Variants in ABHD2 observed in about 807,000 individuals in gnomAD.
The protein encoded by ABHD2 is monoacylglycerol lipase ABHD2.
Under a neutral mutation model 48.1 loss-of-function variants are expected in ABHD2, and 20 were observed. The observed-to-expected ratio is 0.42, with a 90% CI of 0.29 to 0.60. The LOEUF is 0.60. ABHD2 is among the 20% of genes least tolerant of loss of function. The pLI is 0.24. For missense variants in ABHD2, 405 were observed against 550.9 expected, an observed-to-expected ratio of 0.74 and a Z score of 2.65; for synonymous variants, 209 against 214.2, an observed-to-expected ratio of 0.98 and a Z score of 0.21.
At chr15:89,051,828 T>C in the ABHD2 span, among the ~76,000 whole-genome samples, 17 of 152,270 alleles carry the variant, frequency 1.1e-4, no homozygotes, top group African/African-American at 4.1e-4. Flanking sequence ...TTACCCAGTC[T>C]CAGGTGTGTC....
chr15:89,131,764 G>A (rs1469170327), intron 3 of ABHD2, among the ~76,000 whole-genome samples: 4 of 152,162 alleles, frequency 2.6e-5, no homozygotes, highest in Non-Finnish European at 4.4e-5. Flanking sequence ...TTAACCATAA[G>A]TGTTGCTGTA....
chr15:89,055,967 A>G, the ABHD2 span, among the ~76,000 whole-genome samples: 5 of 151,768 alleles, frequency 3.3e-5, no homozygotes, highest in Non-Finnish European at 7.4e-5. Context: ...GGGCTCACAC[A>G]ATCCTCCTGC....
At chr15:89,056,983 G>A in the ABHD2 span, among the ~76,000 whole-genome samples, 2 of 140,444 alleles carry the variant, frequency 1.4e-5, no homozygotes, top group Non-Finnish European at 1.5e-5. Flanking sequence ...GCGCCATCTC[G>A]GCTCACTGCA....
chr15:89,193,260 A>G lies in ABHD2; in HGVS notation c.1022A>G (p.Asn341Ser). The G allele has an allele frequency of 6.2e-7, 1 of 1,614,204 alleles. No individual in the cohort carries two copies. The highest frequency in any genetic ancestry group is 1.1e-5 in the South Asian group (1 of 91,086). The change falls in exon 10 of 11, where the codon AAT (asparagine) becomes AGT (serine). Residue 341 changes from asparagine to serine, a missense_variant. Coordinates refer to ENST00000352732, the MANE Select transcript of ABHD2 (RefSeq NM_152924.5). ...HRIYVPLMLV[N>S]AADDPLVHES... ...ATTTATGTTCCTCTCATGCTGGTTA[A>G]TGCAGCTGACGATCCGTTGGTGCAT...
At chr15:89,096,729 G>A (rs1424054422) in intron 1 of ABHD2, among the ~76,000 whole-genome samples, 1 of 152,230 alleles carries the variant, frequency 6.6e-6, no homozygotes, top group Non-Finnish European at 1.5e-5. Flanking sequence ...CTCCCAAAGA[G>A]AGTGACAAAA....
In ABHD2 at chr15:89,157,441, G is replaced by A. The variant is rs113676798; in HGVS notation, c.538+1907G>A. Among the ~76,000 whole-genome samples the A allele has an allele frequency of 5.0e-3, 754 of 152,262 alleles. 7 individuals are homozygous for A. Among genetic ancestry groups the A allele is most frequent in the African/African-American group, 0.017 (711 of 41,540 alleles). On this transcript the variant is annotated intron_variant, in intron 5 of 10. Transcript: ENST00000352732. Reference sequence around the variant, plus strand: ...GTATACCTGCTTTGTGCCAAGCAGGGTGTTGGGTGCCCTGAGTTCATTTCC... The same window carrying A: ...GTATACCTGCTTTGTGCCAAGCAGGATGTTGGGTGCCCTGAGTTCATTTCC...
At chr15:89,118,041 C>G (rs2049989140) in intron 3 of ABHD2, among the ~76,000 whole-genome samples, 1 of 152,144 alleles carries the variant, frequency 6.6e-6, no homozygotes, top group African/African-American at 2.4e-5. Flanking sequence ...ACAGTAGCCT[C>G]CACAGCCAGG....
the ABHD2 span, among the ~76,000 whole-genome samples, chr15:89,045,913 G>A: frequency 6.6e-6 from 1 of 152,140 alleles, no homozygotes; most frequent in Admixed American, 6.5e-5. Context: ...GATTGCCCTG[G>A]CCAGAACTTC....
chr15:89,161,558 A>G (rs1455350760), intron 5 of ABHD2, among the ~76,000 whole-genome samples: 2 of 151,942 alleles, frequency 1.3e-5, no homozygotes, highest in East Asian at 3.9e-4. Flanking sequence ...CCGCCACCAC[A>G]CCCAGCTAAT....
chr15:89,125,676 G>A (rs997314363), intron 3 of ABHD2, among the ~76,000 whole-genome samples: 4 of 152,172 alleles, frequency 2.6e-5, no homozygotes, highest in Non-Finnish European at 4.4e-5. Context: ...GGCAAACAGG[G>A]ATAAGTTGTT....
At chr15:89,078,885 C>G in the ABHD2 span, among the ~76,000 whole-genome samples, 1 of 152,120 alleles carries the variant, frequency 6.6e-6, no homozygotes, top group African/African-American at 2.4e-5. Context: ...TGCCTGCCAC[C>G]AAGCCTGGCT....
rs1333842004 is a variant in ABHD2 at position 89,186,586 on chromosome 15, A to G, written c.815+1070A>G. Among the ~76,000 whole-genome samples, 1 of 152,068 alleles carries G rather than the reference A, an allele frequency of 6.6e-6. No individual in the cohort carries two copies. Among genetic ancestry groups the G allele is most frequent in the African/African-American group, 2.4e-5 (1 of 41,406 alleles). The stretch of plus-strand genomic sequence containing the variant: ...CATCTCAATTCTCCTGCTTCTGTGA[A>G]GCCAACTCATCCATGCCCAAGTTGC... On this transcript the variant is annotated intron_variant, in intron 7 of 10. Coordinates refer to ENST00000352732, the MANE Select transcript of ABHD2 (RefSeq NM_152924.5). This position sits in a 1 kb window ranked among gnomAD's most constrained non-coding sequence, Gnocchi z 4.3.
At chr15:89,082,636 T>G (rs1034118971), upstream of ABHD2, 9 of 152,386 alleles carry the variant, frequency 5.9e-5, no homozygotes, top group African/African-American at 1.9e-4. This position sits in a 1 kb window ranked among gnomAD's most constrained non-coding sequence, Gnocchi z 4.4. Flanking sequence ...TGACACTGAT[T>G]GCACTCTGTG....
At chr15:89,068,200 A>G in the ABHD2 span, among the ~76,000 whole-genome samples, 1 of 139,068 alleles carries the variant, frequency 7.2e-6, no homozygotes, top group Non-Finnish European at 1.6e-5. Flanking sequence ...GCGCGTGCAC[A>G]CACACACACA....
Position 89,198,250 on chromosome 15 carries a change from C to T in ABHD2, c.*2827C>T, listed in dbSNP as rs2051434631. 1.3e-5 allele frequency: 2 copies of T among 152,158 alleles called. No individual in the cohort carries two copies. The highest frequency in any genetic ancestry group is 4.8e-5 in the African/African-American group (2 of 41,434). The allele number at this position is 152,158 out of a possible 1,614,324, so 9.4% of individuals were successfully genotyped here. ...TAAATTGCATCAATCTGGACAATTC[C>T]ATTGCAGGAATAATATGTTAAAAAC... On this transcript the variant is annotated 3_prime_UTR_variant, in exon 11 of 11. Coordinates refer to ENST00000352732, the MANE Select transcript of ABHD2 (RefSeq NM_152924.5). This position sits in a 1 kb window ranked among gnomAD's most constrained non-coding sequence, Gnocchi z 5.1.
intron 5 of ABHD2, among the ~76,000 whole-genome samples, chr15:89,172,709 T>C (rs6496559): frequency 0.12 from 18,182 of 152,280 alleles, 1,196 homozygotes; most frequent in South Asian, 0.19. Flanking sequence ...TTCACATCTC[T>C]AAACAACTCT....
In ABHD2 at chr15:89,162,179, T is replaced by C. The variant is rs116835279; in HGVS notation, c.538+6645T>C. ...AGCATATGAATCTTGGGAGAGACAC[T>C]ATTCAGCCCATAACATAACAGAAGC... On this transcript the variant is annotated intron_variant, in intron 5 of 10. Coordinates refer to ENST00000352732, the MANE Select transcript of ABHD2 (RefSeq NM_152924.5). Among the ~76,000 whole-genome samples, 474 of 152,316 alleles carry C rather than the reference T, an allele frequency of 3.1e-3. 2 individuals are homozygous for C. The highest frequency in any genetic ancestry group is 0.011 in the African/African-American group (449 of 41,564).
intron 3 of ABHD2, among the ~76,000 whole-genome samples, chr15:89,126,326 G>C (rs1388299498): frequency 6.6e-6 from 1 of 152,030 alleles, no homozygotes; most frequent in Non-Finnish European, 1.5e-5. Context: ...TTAACTTTTA[G>C]CTTACACCTC....
At chr15:89,129,522 G>GA (rs1187845906) in intron 3 of ABHD2, among the ~76,000 whole-genome samples, 2 of 151,994 alleles carry the variant, frequency 1.3e-5, no homozygotes, top group Admixed American at 6.5e-5. Context: ...GAAGGAAGGA[G>GA]AAAAAATGGA....
Sources: gnomAD v4.1 joint callset for allele counts (sites outside exome capture counted in the v4.1 genomes callset) on GRCh38, gnomAD v4.1.1 for gene constraint, Gnocchi (gnomAD v3.1) non-coding constraint, MANE v1.5 for transcripts, NCBI Gene and HGNC (gene_info 2026-07-23, HGNC 2026-07-21) for gene names.